The following CNTNAP2 variants were observed in gnomAD, a reference collection of about 807,000 sequenced individuals.
CNTNAP2 encodes the protein contactin-associated protein-like 2.
Under a neutral mutation model 155.2 loss-of-function variants are expected in CNTNAP2, and 98 were observed. The ratio of observed to expected loss-of-function variants is 0.63; its 90% CI spans 0.54 to 0.75. The LOEUF is 0.75. CNTNAP2 is among the 30% of genes least tolerant of loss of function. CNTNAP2 has a pLI of 0.00. For synonymous variants in CNTNAP2, 651 were observed against 631.2 expected, an observed-to-expected ratio of 1.03 and a Z score of -0.47; for missense variants, 1,727 against 1,688.1, an observed-to-expected ratio of 1.02 and a Z score of -0.40.
chr7:146,504,000 C>T (rs951090891), intron 1 of CNTNAP2, among the ~76,000 whole-genome samples: 5 of 152,210 alleles, frequency 3.3e-5, no homozygotes, highest in South Asian at 2.1e-4. Flanking sequence ...AAGCCAGATA[C>T]GAGCTCACAC....
chr7:148,342,140 A>C (rs1483140444), intron 21 of CNTNAP2, among the ~76,000 whole-genome samples: 3 of 152,130 alleles, frequency 2.0e-5, no homozygotes, highest in Non-Finnish European at 4.4e-5. Context: ...TGGCCCTTCT[A>C]CTCTCTGCTG....
chr7:147,364,217 G>C (rs187078302), intron 9 of CNTNAP2, among the ~76,000 whole-genome samples: 1 of 152,278 alleles, frequency 6.6e-6, no homozygotes, highest in East Asian at 1.9e-4. Context: ...GTGGATAAAA[G>C]ATCCAAAATA....
intron 1 of CNTNAP2, among the ~76,000 whole-genome samples, chr7:146,381,921 T>A (rs900006155): frequency 6.6e-6 from 1 of 152,132 alleles, no homozygotes; most frequent in African/African-American, 2.4e-5. Context: ...AAGGCAGCGT[T>A]TATCCATGAG....
intron 1 of CNTNAP2, among the ~76,000 whole-genome samples, chr7:146,278,851 TA>T (rs1800205019): frequency 6.6e-6 from 1 of 152,126 alleles, no homozygotes; most frequent in Admixed American, 6.6e-5. Context: ...GTCATTGACA[TA>T]AGAAAGGATA....
intron 1 of CNTNAP2, among the ~76,000 whole-genome samples, chr7:146,163,127 G>A (rs754559887): frequency 2.6e-5 from 4 of 151,966 alleles, no homozygotes; most frequent in African/African-American, 4.8e-5. Context: ...TGCACGTTGT[G>A]CACATGTACC....
chr7:147,142,340 T>G (rs549047982), intron 8 of CNTNAP2, among the ~76,000 whole-genome samples: 2 of 152,252 alleles, frequency 1.3e-5, no homozygotes, highest in African/African-American at 4.8e-5. Flanking sequence ...ATCATGTGGT[T>G]TTTGTCATTG....
chr7:147,739,468 T>C (rs929804421), intron 13 of CNTNAP2, among the ~76,000 whole-genome samples: 2 of 152,046 alleles, frequency 1.3e-5, no homozygotes, highest in Admixed American at 6.6e-5. Flanking sequence ...AAACAGTGAG[T>C]TTCTACTGCT....
chr7:146,145,987 T>C (rs1797951559), intron 1 of CNTNAP2, among the ~76,000 whole-genome samples: 1 of 152,112 alleles, frequency 6.6e-6, no homozygotes, highest in South Asian at 2.1e-4. Context: ...CCAAACAAAA[T>C]AGAAATACAA....
At chr7:146,872,823 C>G (rs1795340932) in intron 3 of CNTNAP2, among the ~76,000 whole-genome samples, 1 of 152,156 alleles carries the variant, frequency 6.6e-6, no homozygotes, top group Admixed American at 6.6e-5. Flanking sequence ...ATAATTTAAG[C>G]AAATTGTCAT....
intron 15 of CNTNAP2, among the ~76,000 whole-genome samples, chr7:148,010,414 T>A (rs370174782): frequency 6.6e-6 from 1 of 151,966 alleles, no homozygotes; most frequent in African/African-American, 2.4e-5. Context: ...TTGTGTCTTA[T>A]GTCATAAAAA....
At chr7:147,862,411 C>T (rs374617747) in intron 13 of CNTNAP2, among the ~76,000 whole-genome samples, 1 of 152,186 alleles carries the variant, frequency 6.6e-6, no homozygotes, top group East Asian at 1.9e-4. Context: ...TAACATGCAT[C>T]TTTCGTGTGC....
chr7:148,392,704 A>G (rs933556861), intron 22 of CNTNAP2, among the ~76,000 whole-genome samples: 7 of 152,148 alleles, frequency 4.6e-5, no homozygotes, highest in African/African-American at 1.7e-4. Flanking sequence ...AACCAAGGCC[A>G]GGATTGTCAA....
rs1799372106 is a variant in CNTNAP2 at position 146,623,716 on chromosome 7, G to T, written c.98-150555G>T. ...ATGAAGCTGTTATTAATGTTCATGG[G>T]CTGTGTGTGTGTACATAAGTTTTCA... On this transcript the variant is annotated intron_variant, in intron 1 of 23. Coordinates refer to ENST00000361727, the MANE Select transcript of CNTNAP2 (RefSeq NM_014141.6). Among the ~76,000 whole-genome samples the T allele has an allele frequency of 3.3e-5, 5 of 152,190 alleles. No individual in the cohort carries two copies. In the South Asian group the frequency reaches 1.0e-3, roughly 32 times the overall value.
At chr7:146,933,998 G>A (rs1214318648) in intron 3 of CNTNAP2, among the ~76,000 whole-genome samples, 1 of 152,142 alleles carries the variant, frequency 6.6e-6, no homozygotes, top group African/African-American at 2.4e-5. Context: ...GGGTGGGAGT[G>A]TAAACTAGTT....
At chr7:147,564,979 G>T (rs1800140582) in intron 12 of CNTNAP2, among the ~76,000 whole-genome samples, 1 of 152,122 alleles carries the variant, frequency 6.6e-6, no homozygotes, top group South Asian at 2.1e-4. Flanking sequence ...AAAGAATGTG[G>T]ATTTAACATC....
intron 13 of CNTNAP2, among the ~76,000 whole-genome samples, chr7:147,836,240 G>A (rs924908411): frequency 4.6e-5 from 7 of 152,090 alleles, no homozygotes; most frequent in African/African-American, 1.4e-4. Flanking sequence ...AATTACACAC[G>A]TAACGGCTCC....
chr7:146,710,362 A>T lies in CNTNAP2; in HGVS notation c.98-63909A>T, dbSNP rs1014246019. ...GAAAATGAGACACACACAGAAAAGTATAGGACAAGAGGCCTGACTGTTTCC... is the reference window on the plus strand; with the variant it reads ...GAAAATGAGACACACACAGAAAAGTTTAGGACAAGAGGCCTGACTGTTTCC... On this transcript the variant is annotated intron_variant, in intron 1 of 23. Transcript: ENST00000361727. Among the ~76,000 whole-genome samples the T allele has an allele frequency of 1.1e-4, 16 of 152,172 alleles. 1 individual carries two copies. The highest frequency in any genetic ancestry group is 3.9e-4 in the African/African-American group (16 of 41,444).
chr7:146,690,962 C>A lies in CNTNAP2; in HGVS notation c.98-83309C>A, dbSNP rs1800688664. Among the ~76,000 whole-genome samples the A allele has an allele frequency of 2.0e-5, 3 of 152,260 alleles. No homozygotes were observed. The South Asian group carries it at 6.2e-4, about 32-fold the overall frequency. On this transcript the variant is annotated intron_variant, in intron 1 of 23. Transcript: ENST00000361727. ...AGTTCCTAAAGTGAATGTGCAGTCA[C>A]ACCTTTACTATTCTCTGATTATGCT...
intron 8 of CNTNAP2, among the ~76,000 whole-genome samples, chr7:147,237,672 C>T (rs1011535246): frequency 6.6e-5 from 10 of 152,192 alleles, no homozygotes; most frequent in African/African-American, 2.4e-5. Flanking sequence ...AATAAATTCT[C>T]AAGAATAATG....
Sources: gnomAD v4.1 joint callset for allele counts (sites outside exome capture counted in the v4.1 genomes callset) on GRCh38, gnomAD v4.1.1 for gene constraint, MANE v1.5 for transcripts, NCBI Gene and HGNC (gene_info 2026-07-23, HGNC 2026-07-21) for gene names.